RASGRF1: variants seen among roughly 807,000 people sequenced by gnomAD.
The protein encoded by RASGRF1 is Ras protein specific guanine nucleotide releasing factor 1.
RASGRF1 carries 40 observed loss-of-function variants against 138.7 expected under a neutral mutation model. The ratio of observed to expected loss-of-function variants is 0.29; its 90% CI spans 0.22 to 0.38. The LOEUF (loss-of-function observed/expected upper bound fraction) is 0.38. Among genes scored for constraint, RASGRF1 ranks in the 10% least tolerant of loss-of-function variants. The pLI is 1.00. For missense variants in RASGRF1, 1,108 were observed against 1,650.4 expected (o/e 0.67, Z 5.69); for synonymous variants, 614 against 663.2 (o/e 0.93, Z 1.14).
At chr15:79,089,332 A>G (rs968199475) in intron 1 of RASGRF1, among the ~76,000 whole-genome samples, 1 of 152,256 alleles carries the variant, frequency 6.6e-6, no homozygotes, top group Non-Finnish European at 1.5e-5. Flanking sequence ...TGGAAAGCGC[A>G]CCAAGCTTAA....
chr15:79,029,764 C>A (rs2140996585), intron 8 of RASGRF1, among the ~76,000 whole-genome samples: 1 of 152,146 alleles, frequency 6.6e-6, no homozygotes, highest in South Asian at 2.1e-4. Flanking sequence ...ATAGGAAAAC[C>A]TTCTGTGCCA....
chr15:79,084,034 T>C (rs941812481), intron 1 of RASGRF1, among the ~76,000 whole-genome samples: 2 of 152,192 alleles, frequency 1.3e-5, no homozygotes, highest in African/African-American at 4.8e-5. Context: ...ATGGTGAAGG[T>C]CAAGCTTTTT....
chr15:79,069,893 C>T (rs1332180367), intron 1 of RASGRF1, among the ~76,000 whole-genome samples: 2 of 152,200 alleles, frequency 1.3e-5, no homozygotes, highest in East Asian at 3.8e-4. Context: ...CACAACCTAG[C>T]TTTCACCATT....
intron 18 of RASGRF1, 71 bp from the exon 19 acceptor site, chr15:78,998,279 C>A: frequency 1.6e-6 from 2 of 1,286,666 alleles, no homozygotes; most frequent in Admixed American, 1.8e-5. Flanking sequence ...TGGGCCCAGG[C>A]CAGAGGAAGG....
At chr15:78,988,857 T>TC (rs370158074) in intron 22 of RASGRF1, among the ~76,000 whole-genome samples, 6 of 149,852 alleles carry the variant, frequency 4.0e-5, no homozygotes, top group Admixed American at 2.0e-4. Flanking sequence ...TTTTTTTTTT[T>TC]CCTCACACAG....
chr15:79,075,879 A>T (rs1226592956), intron 1 of RASGRF1, among the ~76,000 whole-genome samples: 2 of 152,234 alleles, frequency 1.3e-5, no homozygotes, highest in Non-Finnish European at 2.9e-5. Context: ...AAACAGGCCC[A>T]ACAACACTTG....
At chr15:79,049,459 A>C in intron 4 of RASGRF1, 37 bp downstream of exon 4, 1 of 1,590,158 alleles carries the variant, frequency 6.3e-7, no homozygotes, top group Non-Finnish European at 8.6e-7. Flanking sequence ...CTAAAGAGAG[A>C]GCTCCAAAGA....
At chr15:79,000,152 CT>C (rs1206173236) in intron 16 of RASGRF1, among the ~76,000 whole-genome samples, 1 of 152,184 alleles carries the variant, frequency 6.6e-6, no homozygotes, top group African/African-American at 2.4e-5. Context: ...CACACTCCTG[CT>C]TCTGAAAAAG....
At chr15:79,083,180 C>T (rs1233926412) in intron 1 of RASGRF1, among the ~76,000 whole-genome samples, 1 of 152,174 alleles carries the variant, frequency 6.6e-6, no homozygotes, top group East Asian at 1.9e-4. Context: ...GTGAAGGAGG[C>T]TGGAGGCTGG....
intron 14 of RASGRF1, chr15:79,005,187 G>A: frequency 1.0e-6 from 1 of 985,538 alleles, no homozygotes; most frequent in Non-Finnish European, 1.2e-6. Flanking sequence ...GCCCCAGTGA[G>A]GCCTGAGGTG....
intron 3 of RASGRF1, among the ~76,000 whole-genome samples, chr15:79,056,658 G>T (rs1314771309): frequency 6.6e-6 from 1 of 152,186 alleles, no homozygotes; most frequent in African/African-American, 2.4e-5. Flanking sequence ...ATGTCGTGAA[G>T]GTGCCTGTTA....
chr15:79,036,090 C>T (rs147646654), intron 5 of RASGRF1, among the ~76,000 whole-genome samples: 2 of 152,378 alleles, frequency 1.3e-5, no homozygotes, highest in Non-Finnish European at 2.9e-5. Context: ...CGGGCGTCTC[C>T]TCTCCCAGGA....
intron 23 of RASGRF1, among the ~76,000 whole-genome samples, chr15:78,981,830 G>A (rs2056038886): frequency 6.6e-6 from 1 of 152,250 alleles, no homozygotes. Flanking sequence ...AGTCAAGGCA[G>A]ATGATTCTGC....
At chr15:78,993,267 G>C (rs112844444) in intron 20 of RASGRF1, among the ~76,000 whole-genome samples, 1 of 90,484 alleles carries the variant, frequency 1.1e-5, no homozygotes, top group Non-Finnish European at 2.5e-5. Flanking sequence ...GTGGTGTGGT[G>C]TGTGTGGTGT....
chr15:79,047,337 T>C (rs1435876295), intron 4 of RASGRF1, among the ~76,000 whole-genome samples: 1 of 152,176 alleles, frequency 6.6e-6, no homozygotes, highest in East Asian at 1.9e-4. Context: ...CTCTGCAGTT[T>C]AACAAGACCC....
At chr15:79,010,368 C>A (rs574078146) in intron 13 of RASGRF1, among the ~76,000 whole-genome samples, 1 of 152,162 alleles carries the variant, frequency 6.6e-6, no homozygotes, top group South Asian at 2.1e-4. Context: ...AACTATCCTG[C>A]ACTTCAGCTT....
chr15:78,972,893 G>A (rs975453348), intron 25 of RASGRF1, among the ~76,000 whole-genome samples: 1 of 152,124 alleles, frequency 6.6e-6, no homozygotes, highest in Non-Finnish European at 1.5e-5. Flanking sequence ...GTGTCGATAC[G>A]AACAATACGG....
At chr15:79,010,852 C>T (rs190720167) in intron 13 of RASGRF1, among the ~76,000 whole-genome samples, 62 of 152,290 alleles carry the variant, frequency 4.1e-4, no homozygotes, top group Middle Eastern at 3.4e-3. Context: ...TGACCTGAGA[C>T]GCTGACCGCT....
intron 22 of RASGRF1, among the ~76,000 whole-genome samples, chr15:78,988,310 C>A (rs562642292): frequency 6.6e-6 from 1 of 152,200 alleles, no homozygotes; most frequent in African/African-American, 2.4e-5. Flanking sequence ...CTTTCACTTG[C>A]TCGACTCCTG....
Sources: allele counts gnomAD v4.1 joint callset (sites outside exome capture counted in the v4.1 genomes callset), GRCh38; gene constraint gnomAD v4.1.1; transcripts MANE v1.5; gene names NCBI Gene and HGNC (gene_info 2026-07-23, HGNC 2026-07-21).